The following FOXP2 variants were observed in gnomAD, a reference collection of about 807,000 sequenced individuals.
The protein encoded by FOXP2 is forkhead box P2, also known as forkhead box protein P2.
In FOXP2, 12 loss-of-function variants were observed where a neutral mutation model predicts 115.8. The observed-to-expected ratio is 0.10, with a 90% CI of 0.07 to 0.17. The LOEUF is 0.17. Ranked by LOEUF, FOXP2 falls within the 10% of genes least tolerant of loss-of-function variation. The pLI, the probability that FOXP2 is intolerant of heterozygous loss-of-function variation, is 1.00. For missense variants in FOXP2, 629 were observed against 843.5 expected, an observed-to-expected ratio of 0.75 and a Z score of 3.15; for synonymous variants, 328 against 297.7, an observed-to-expected ratio of 1.10 and a Z score of -1.05.
chr7:114,569,706 A>G lies in FOXP2; in HGVS notation c.258+35000A>G, dbSNP rs564592500. ...ATACTTCTTCCTAAGAAACAGAGGG[A>G]AAAGGATATTTTGGAAGCCATTTTT... On this transcript the variant is annotated intron_variant, in intron 3 of 16. Transcript: ENST00000350908. 1.8e-3 allele frequency among the ~76,000 whole-genome samples: 270 copies of G among 152,042 alleles called. 1 individual carries two copies. Among genetic ancestry groups the G allele is most frequent in the Non-Finnish European group, 2.5e-3 (170 of 67,876 alleles).
chr7:114,581,741 T>C (rs972844055), intron 3 of FOXP2, among the ~76,000 whole-genome samples: 1 of 152,202 alleles, frequency 6.6e-6, no homozygotes, highest in Non-Finnish European at 1.5e-5. Context: ...TTCACTGCGC[T>C]ACAAATCCTT....
chr7:114,562,515 A>G (rs565982949), intron 3 of FOXP2, among the ~76,000 whole-genome samples: 5 of 152,254 alleles, frequency 3.3e-5, no homozygotes, highest in East Asian at 1.9e-4. Flanking sequence ...ACAAACTTAT[A>G]TTAGCATCTC....
intron 2 of FOXP2, among the ~76,000 whole-genome samples, chr7:114,456,596 C>G (rs1795321277): frequency 6.6e-6 from 1 of 152,188 alleles, no homozygotes; most frequent in Non-Finnish European, 1.5e-5. Context: ...AAAAACATTT[C>G]TATTTAAATA....
intron 1 of FOXP2, among the ~76,000 whole-genome samples, chr7:114,170,791 A>T (rs898877401): frequency 6.6e-6 from 1 of 152,236 alleles, no homozygotes; most frequent in African/African-American, 2.4e-5. Context: ...AGGTTGGTTC[A>T]TGAGGTTAAA....
At chr7:114,550,437 T>A (rs1378855510) in intron 3 of FOXP2, among the ~76,000 whole-genome samples, 1 of 152,070 alleles carries the variant, frequency 6.6e-6, no homozygotes, top group African/African-American at 2.4e-5. Context: ...TTGAAGAAGG[T>A]ATTTCTTTCT....
chr7:114,283,273 A>G (rs943254279), intron 1 of FOXP2, among the ~76,000 whole-genome samples: 2 of 152,210 alleles, frequency 1.3e-5, no homozygotes, highest in Non-Finnish European at 2.9e-5. Context: ...ATACAATATT[A>G]AAACAGTATT....
intron 2 of FOXP2, among the ~76,000 whole-genome samples, chr7:114,306,644 T>TCAGTG (rs1165245791): frequency 1.3e-5 from 2 of 152,000 alleles, no homozygotes; most frequent in Non-Finnish European, 2.9e-5. Context: ...TACTGCAAAC[T>TCAGTG]CAGTGATTTA....
chr7:114,432,899 G>A (rs1349618564), intron 2 of FOXP2, among the ~76,000 whole-genome samples: 1 of 151,932 alleles, frequency 6.6e-6, no homozygotes, highest in Non-Finnish European at 1.5e-5. Flanking sequence ...ATCATCCACA[G>A]TTATTTTAAT....
At chr7:114,317,680 G>A (rs563418365) in intron 2 of FOXP2, among the ~76,000 whole-genome samples, 12 of 152,028 alleles carry the variant, frequency 7.9e-5, no homozygotes, top group African/African-American at 1.7e-4. Context: ...ATCATGTCAC[G>A]TCATCATTTA....
chr7:114,258,160 A>G (rs1003760382), intron 1 of FOXP2, among the ~76,000 whole-genome samples: 18 of 152,200 alleles, frequency 1.2e-4, no homozygotes, highest in African/African-American at 4.1e-4. Context: ...TGTGGCAATA[A>G]TACACATTAG....
chr7:114,304,588 T>C (rs1283477751), intron 2 of FOXP2, among the ~76,000 whole-genome samples: 1 of 148,182 alleles, frequency 6.7e-6, no homozygotes, highest in Non-Finnish European at 1.5e-5. Flanking sequence ...GAGAATTGCT[T>C]GAACCTAGGA....
rs192844532 is a variant in FOXP2, at chr7:114,231,766, A to G, written c.-101-56253A>G. 6.6e-5 allele frequency among the ~76,000 whole-genome samples: 10 copies of G among 152,350 alleles called. No homozygotes were observed. In the East Asian group the frequency reaches 1.9e-3, roughly 29 times the overall value. ...TAAGGCCTGAAAGTGTAAAACTCCT[A>G]TAAGAAAACATAGAGGAATAGCTTC... is the stretch of plus-strand genomic sequence containing the variant. On this transcript the variant is annotated intron_variant, in intron 1 of 17. Coordinates refer to the FOXP2 transcript ENST00000634411.
At chr7:114,440,614 G>T (rs565212160) in intron 2 of FOXP2, among the ~76,000 whole-genome samples, 1 of 152,200 alleles carries the variant, frequency 6.6e-6, no homozygotes, top group East Asian at 1.9e-4. Flanking sequence ...AATATCCATA[G>T]AACAATCTAA....
chr7:114,315,708 G>T (rs780014115), intron 2 of FOXP2, among the ~76,000 whole-genome samples: 1 of 152,024 alleles, frequency 6.6e-6, no homozygotes, highest in African/African-American at 2.4e-5. Flanking sequence ...CAAACACTGA[G>T]TTAGTGAACA....
At chr7:114,093,150 C>T (rs561165848) in intron 1 of FOXP2, among the ~76,000 whole-genome samples, 2 of 152,170 alleles carry the variant, frequency 1.3e-5, no homozygotes, top group East Asian at 3.9e-4. Context: ...TGTTTTTTCT[C>T]TCATTTGGCC....
intron 8 of FOXP2, among the ~76,000 whole-genome samples, chr7:114,650,029 T>G (rs200258795): frequency 6.6e-6 from 1 of 152,144 alleles, no homozygotes. Flanking sequence ...AATGGCAAGG[T>G]TCTTTTGTGT....
At chr7:114,679,486 T>A (rs1489507956) in intron 16 of FOXP2, among the ~76,000 whole-genome samples, 2 of 152,170 alleles carry the variant, frequency 1.3e-5, no homozygotes, top group African/African-American at 4.8e-5. Flanking sequence ...TTCTACCTTT[T>A]CATTATCCTG....
chr7:114,438,048 T>C (rs982053724), intron 2 of FOXP2, among the ~76,000 whole-genome samples: 6 of 152,182 alleles, frequency 3.9e-5, no homozygotes, highest in African/African-American at 1.2e-4. Flanking sequence ...TTAAATGAAA[T>C]ATATTATTTG....
At chr7:114,377,098 G>T (rs983778675) in intron 2 of FOXP2, among the ~76,000 whole-genome samples, 6 of 152,094 alleles carry the variant, frequency 3.9e-5, no homozygotes, top group Non-Finnish European at 7.3e-5. Context: ...TATTAATGGA[G>T]GAAGGAAAAC....
Sources: allele counts gnomAD v4.1 joint callset (sites outside exome capture counted in the v4.1 genomes callset), GRCh38; gene constraint gnomAD v4.1.1; transcripts MANE v1.5; gene names NCBI Gene and HGNC (gene_info 2026-07-23, HGNC 2026-07-21).